Variants in WNT4 observed in about 807,000 individuals in gnomAD.
The protein encoded by WNT4 is protein Wnt-4.
In WNT4, 16 loss-of-function variants were observed where a neutral mutation model predicts 34.5. The ratio of observed to expected loss-of-function variants is 0.46; its 90% CI spans 0.31 to 0.70. The LOEUF (loss-of-function observed/expected upper bound fraction) is 0.70. WNT4 is among the 30% of genes least tolerant of loss of function. The pLI is 0.04. For synonymous variants in WNT4, 200 were observed against 211.9 expected (o/e 0.94, Z 0.49); for missense variants, 379 against 495.9 (o/e 0.76, Z 2.24).
chr1:22,125,819 C>G (rs2124108338), intron 2 of WNT4, among the ~76,000 whole-genome samples: 1 of 152,296 alleles, frequency 6.6e-6, no homozygotes, highest in South Asian at 2.1e-4. Flanking sequence ...ACACCTTTGC[C>G]AGGCGCTATG....
chr1:22,125,358 C>T (rs1310010575), intron 2 of WNT4, among the ~76,000 whole-genome samples: 5 of 152,122 alleles, frequency 3.3e-5, no homozygotes, highest in African/African-American at 7.2e-5. Flanking sequence ...CTTATAGCAT[C>T]GAAAGGCTGG....
chr1:22,121,477 C>T lies in WNT4; in HGVS notation c.413G>A (p.Cys138Tyr). 1 of 1,614,062 alleles carries T rather than the reference C, an allele frequency of 6.2e-7. No homozygotes were observed. The highest frequency in any genetic ancestry group is 1.7e-5 in the Admixed American group (1 of 60,034). The change falls in exon 3 of 5, where the codon TGT (cysteine) becomes TAT (tyrosine). Residue 138 changes from cysteine to tyrosine, a missense_variant. Cys to Tyr is a radical substitution (Grantham distance 194). Transcript: ENST00000290167. ...GCTGACCCCATGCACTGTCCTGTCA[C>T]AGCCGCACTTCTCCAGCTCCCCACT... The part of the protein sequence containing the change: ...CSSGELEKCG[C>Y]DRTVHGVSPQ...
intron 2 of WNT4, among the ~76,000 whole-genome samples, chr1:22,124,253 C>T (rs909895036): frequency 6.6e-6 from 1 of 152,254 alleles, no homozygotes; most frequent in Non-Finnish European, 1.5e-5. Flanking sequence ...GCAATCCTCG[C>T]CTTGTCCTTT....
At position 22,120,288 on chromosome 1, in the gene WNT4, A is replaced by G. The variant is rs746798290; in HGVS notation, c.818T>C (p.Leu273Ser). 2 of 1,614,208 alleles carry G rather than the reference A, an allele frequency of 1.2e-6. No individual in the cohort carries two copies. The highest frequency in any genetic ancestry group is 8.5e-7 in the Non-Finnish European group (1 of 1,180,030). ...CTCACAGAAGTCGGGGCTAGGCTCC[A>G]AGTACACCAGGTCCTCATCTGTGTG... ...KPHTDEDLVY[L>S]EPSPDFCEQD... The change falls in exon 5 of 5, where the codon TTG becomes TCG. Residue 273 changes from leucine to serine, a missense_variant. By Grantham distance (145) the Leu-to-Ser change is moderately radical. Coordinates refer to ENST00000290167, the MANE Select transcript of WNT4 (RefSeq NM_030761.5).
In WNT4 at chr1:22,137,752, G is replaced by T. The variant is rs1367617945; in HGVS notation, c.77+5094C>A. 6.6e-6 allele frequency among the ~76,000 whole-genome samples: 1 copy of T among 152,224 alleles called. No individual in the cohort carries two copies. Among genetic ancestry groups the T allele is most frequent in the Non-Finnish European group, 1.5e-5 (1 of 68,036 alleles). On this transcript the variant is annotated intron_variant, in intron 1 of 4. Transcript: ENST00000290167. This position sits in a 1 kb window ranked among gnomAD's most constrained non-coding sequence, Gnocchi z 5.3. ...CTGGTCCTGGGGTGCTGCAGTGCTG[G>T]GGGAGAAACACTCAGCCTGGCTCTC...
At chr1:22,127,915 A>G (rs1053123866) in intron 2 of WNT4, among the ~76,000 whole-genome samples, 1 of 152,202 alleles carries the variant, frequency 6.6e-6, no homozygotes, top group Non-Finnish European at 1.5e-5. Context: ...GGGAGGAGTG[A>G]GAGAGGGTGA....
chr1:22,130,344 T>A, intron 1 of WNT4, among the ~76,000 whole-genome samples: 1 of 152,214 alleles, frequency 6.6e-6, no homozygotes, highest in African/African-American at 2.4e-5. Flanking sequence ...GCCAGCCACA[T>A]CCTAGGACCA....
In WNT4 at chr1:22,129,734, G is replaced by C; in HGVS notation, c.195C>G (p.Asp65Glu). 1.2e-6 allele frequency: 2 copies of C among 1,614,042 alleles called. No individual in the cohort carries two copies. The highest frequency in any genetic ancestry group is 1.7e-6 in the Non-Finnish European group (2 of 1,180,036). ...CCAGCTGGGCACCGCGGCGCACCGAGTCCATGACTTCCAGGTTCCGCTTGC... is the reference window on the plus strand; with the variant it reads ...CCAGCTGGGCACCGCGGCGCACCGACTCCATGACTTCCAGGTTCCGCTTGC... ...QMCKRNLEVMDSVRRGAQLAI... is the reference protein window; with the variant it reads ...QMCKRNLEVMESVRRGAQLAI... Residue 65 changes from aspartate (D) to glutamate (E), a missense_variant, in exon 2 of 5, where the codon GAC becomes GAG. Physicochemically the swap from Asp to Glu is conservative, Grantham distance 45. This residue lies in a region of WNT4 where 313 missense variants were observed against 445.8 expected (regional missense o/e 0.70). Transcript: ENST00000290167.
At position 22,137,144 on chromosome 1, in the gene WNT4, C is replaced by T. The variant is rs546153034; in HGVS notation, c.77+5702G>A. On this transcript the variant is annotated intron_variant, in intron 1 of 4. Transcript: ENST00000290167. This position sits in a 1 kb window ranked among gnomAD's most constrained non-coding sequence, Gnocchi z 5.3. ...TCCCTTCCTCCTCCCACCTCCCTCC[C>T]GCTCTCTCCTCAGACCAGGTCCCCT... Among the ~76,000 whole-genome samples, 12 of 152,288 alleles carry T rather than the reference C, an allele frequency of 7.9e-5. No homozygotes were observed. The highest frequency in any genetic ancestry group is 4.2e-4 in the South Asian group (2 of 4,814).
At chr1:22,125,705 G>A (rs570197616) in intron 2 of WNT4, among the ~76,000 whole-genome samples, 6 of 152,248 alleles carry the variant, frequency 3.9e-5, no homozygotes, top group Non-Finnish European at 7.4e-5. Context: ...GTCGCAGAAC[G>A]AGACACGGTA....
chr1:22,124,710 T>C (rs1645927966), intron 2 of WNT4, among the ~76,000 whole-genome samples: 1 of 152,182 alleles, frequency 6.6e-6, no homozygotes, highest in African/African-American at 2.4e-5. Context: ...GCGTATCACT[T>C]GTGAAGTCTT....
rs1469027023 is a variant in WNT4 at position 22,118,143 on chromosome 1, C to G, written c.*1907G>C. 1 of 152,242 alleles carries G rather than the reference C, an allele frequency of 6.6e-6. No individual in the cohort carries two copies. The highest frequency in any genetic ancestry group is 1.5e-5 in the Non-Finnish European group (1 of 68,060). The allele number at this position is 152,242 out of a possible 1,614,324, so 9.4% of individuals were successfully genotyped here. A position where few individuals can be genotyped will look rare whatever the true frequency, so the allele number is the denominator to read the frequency against. Reference sequence around the variant, plus strand: ...GCTGGGGGCCAAGGGTGTTGACCCTCTTTTCATGAGGGAGCCAACACTAGG... The same window carrying G: ...GCTGGGGGCCAAGGGTGTTGACCCTGTTTTCATGAGGGAGCCAACACTAGG... On this transcript the variant is annotated 3_prime_UTR_variant, in exon 5 of 5. Transcript: ENST00000290167.
intron 1 of WNT4, among the ~76,000 whole-genome samples, chr1:22,131,697 T>A (rs1224603494): frequency 6.6e-6 from 1 of 152,220 alleles, no homozygotes; most frequent in African/African-American, 2.4e-5. Context: ...GGGCACATTC[T>A]AGGTGCCAGG....
At chr1:22,138,413 A>G (rs1183958093) in intron 1 of WNT4, among the ~76,000 whole-genome samples, 1 of 146,972 alleles carries the variant, frequency 6.8e-6, no homozygotes, top group Non-Finnish European at 1.5e-5. Context: ...CCCGCCCCCC[A>G]GGGGACATTT....
chr1:22,119,590 T>C lies in WNT4; in HGVS notation c.*460A>G. 4.5e-6 allele frequency: 1 copy of C among 222,760 alleles called. No individual in the cohort carries two copies. Among genetic ancestry groups the C allele is most frequent in the Non-Finnish European group, 8.9e-6 (1 of 111,904 alleles). 13.8% of individuals were successfully genotyped at this position (222,760 alleles called of 1,614,324 possible). On this transcript the variant is annotated 3_prime_UTR_variant, in exon 5 of 5. Coordinates refer to ENST00000290167, the MANE Select transcript of WNT4 (RefSeq NM_030761.5). ...GCTCAAGCTGCCAGGAGTCCATGTG[T>C]ATGTGTGCTGGAGAGTTAAGAGTTC...
rs1645967030 is a variant in WNT4 at position 22,129,613 on chromosome 1, C to T, written c.313+3G>A. The T allele has an allele frequency of 1.2e-6, 2 of 1,612,248 alleles. No homozygotes were observed. Among genetic ancestry groups the T allele is most frequent in the Non-Finnish European group, 1.7e-6 (2 of 1,179,316 alleles). On this transcript the variant is annotated splice_donor_region_variant and intron_variant, in intron 2 of 4. Transcript: ENST00000290167. ...CCTGCAGCCCCGCACGCCCTTCCCT[C>T]ACCTTGCGTCACCACCTTGCCGAAG... is the stretch of plus-strand genomic sequence containing the variant.
At chr1:22,124,513 A>T (rs1397875407) in intron 2 of WNT4, among the ~76,000 whole-genome samples, 1 of 151,774 alleles carries the variant, frequency 6.6e-6, no homozygotes, top group Non-Finnish European at 1.5e-5. Flanking sequence ...ACTAACAGCC[A>T]CTCTTTCTGA....
At position 22,139,615 on chromosome 1, in the gene WNT4, T is replaced by G. The variant is rs998365269; in HGVS notation, c.77+3231A>C. ...CCTTAGCTTATTTATTCCCTAACCC[T>G]CCCCAGCACTTCCATTTGGGGTTCA... On this transcript the variant is annotated intron_variant, in intron 1 of 4. Transcript: ENST00000290167. This position sits in a 1 kb window ranked among gnomAD's most constrained non-coding sequence, Gnocchi z 4.6. 6.6e-6 allele frequency among the ~76,000 whole-genome samples: 1 copy of G among 151,968 alleles called. No individual in the cohort carries two copies. Among genetic ancestry groups the G allele is most frequent in the Non-Finnish European group, 1.5e-5 (1 of 67,974 alleles).
In WNT4 at chr1:22,142,888, A is replaced by G. The variant is rs121908653; in HGVS notation, c.35T>C (p.Leu12Pro). 1 of 1,209,968 alleles carries G rather than the reference A, an allele frequency of 8.3e-7. No individual in the cohort carries two copies. The highest frequency in any genetic ancestry group is 1.1e-6 in the Non-Finnish European group (1 of 945,386). The allele number at this position is 1,209,968 out of a possible 1,614,324, so 75.0% of individuals were successfully genotyped here. ...GGCTGAGAAGACGGCGAAGACGAGG[A>G]GGCGCAGCGAACGCAGGCACGAGCG... ...SPRSCLRSLR[L>P]LVFAVFSAAA... Residue 12 changes from leucine to proline, a missense_variant, in exon 1 of 5, where the codon CTC (leucine) becomes CCC (proline). By Grantham distance (98) the Leu-to-Pro change is moderately conservative. This residue lies in a region of WNT4 where 66 missense variants were observed against 50.1 expected (regional missense o/e 1.32). Coordinates refer to ENST00000290167, the MANE Select transcript of WNT4 (RefSeq NM_030761.5). The surrounding 1 kb of genome is among the most constrained non-coding windows in gnomAD (Gnocchi z 6.0).
Sources: allele counts gnomAD v4.1 joint callset (sites outside exome capture counted in the v4.1 genomes callset), GRCh38; gene constraint gnomAD v4.1.1; regional missense constraint gnomAD v4.1.1; non-coding constraint Gnocchi (gnomAD v3.1); transcripts MANE v1.5; gene names NCBI Gene and HGNC (gene_info 2026-07-23, HGNC 2026-07-21).